Variants in DOCK3 observed in about 807,000 individuals in gnomAD.
The protein encoded by DOCK3 is dedicator of cytokinesis protein 3.
A neutral mutation model predicts 265.6 loss-of-function variants in DOCK3; 60 were observed. The ratio of observed to expected loss-of-function variants is 0.23; its 90% CI spans 0.18 to 0.28. The LOEUF (loss-of-function observed/expected upper bound fraction) is 0.28, where lower values mean the gene tolerates loss of function less well. Ranked by LOEUF, DOCK3 falls within the 10% of genes least tolerant of loss-of-function variation. The pLI is 1.00. For synonymous variants in DOCK3, 881 were observed against 938.0 expected (o/e 0.94, Z 1.11); for missense variants, 1,981 against 2,594.3 (o/e 0.76, Z 5.14).
intron 1 of DOCK3, among the ~76,000 whole-genome samples, chr3:50,739,163 C>T (rs748172283): frequency 8.5e-5 from 13 of 152,110 alleles, no homozygotes; most frequent in East Asian, 1.9e-4. Context: ...GTTTTTGCAA[C>T]GTCTTGTTGT....
chr3:50,823,642 G>T (rs557390374), intron 2 of DOCK3, among the ~76,000 whole-genome samples: 1 of 152,072 alleles, frequency 6.6e-6, no homozygotes, highest in Non-Finnish European at 1.5e-5. Flanking sequence ...CCACAAAACC[G>T]CCATTGTCAT....
chr3:50,814,282 A>G (rs1476492072), intron 2 of DOCK3, among the ~76,000 whole-genome samples: 1 of 152,110 alleles, frequency 6.6e-6, no homozygotes, highest in Non-Finnish European at 1.5e-5. Flanking sequence ...TATTATTATT[A>G]TTAGGACAGG....
In DOCK3 at chr3:50,797,243, G is replaced by A. The variant is rs148732098; in HGVS notation, c.121+18485G>A. ...GGTGACTGTGCAAATGGTTGTGCTGGTGGTGGTGTGAGGATGGAGGTGGGG... is the reference window on the plus strand; with the variant it reads ...GGTGACTGTGCAAATGGTTGTGCTGATGGTGGTGTGAGGATGGAGGTGGGG... On this transcript the variant is annotated intron_variant, in intron 2 of 52. Coordinates refer to ENST00000266037, the MANE Select transcript of DOCK3 (RefSeq NM_004947.5). Among the ~76,000 whole-genome samples the A allele has an allele frequency of 9.6e-4, 146 of 152,358 alleles. No homozygotes were observed. The East Asian group carries it at 0.021, about 22-fold the overall frequency.
At chr3:51,018,027 G>T (rs1305435682) in intron 5 of DOCK3, among the ~76,000 whole-genome samples, 1 of 151,372 alleles carries the variant, frequency 6.6e-6, no homozygotes. Flanking sequence ...CGAGTACCTG[G>T]ATTACAGGTG....
At chr3:51,249,006 G>T (rs1171303565) in intron 22 of DOCK3, among the ~76,000 whole-genome samples, 2 of 146,612 alleles carry the variant, frequency 1.4e-5, no homozygotes, top group East Asian at 2.2e-4. Context: ...CAGCCGCCCC[G>T]TCTGAGAAGT....
chr3:50,697,290 G>T (rs959681758), intron 1 of DOCK3, among the ~76,000 whole-genome samples: 2 of 151,954 alleles, frequency 1.3e-5, no homozygotes, highest in African/African-American at 4.8e-5. Flanking sequence ...GAAATGAAGA[G>T]TTTAAAGGAA....
chr3:51,336,350 T>G (rs1159682772), intron 35 of DOCK3, among the ~76,000 whole-genome samples: 1 of 152,032 alleles, frequency 6.6e-6, no homozygotes, highest in African/African-American at 2.4e-5. Flanking sequence ...GTTTTTTTTT[T>G]TGTGCCTGGA....
chr3:50,928,900 G>A (rs751550069), intron 4 of DOCK3, among the ~76,000 whole-genome samples: 1 of 151,900 alleles, frequency 6.6e-6, no homozygotes, highest in Non-Finnish European at 1.5e-5. Flanking sequence ...TCAGTACAGT[G>A]TTCAACAAGT....
At chr3:50,696,904 G>C (rs1163122165) in intron 1 of DOCK3, among the ~76,000 whole-genome samples, 1 of 150,366 alleles carries the variant, frequency 6.7e-6, no homozygotes, top group Non-Finnish European at 1.5e-5. Context: ...TAAAGCTCCT[G>C]ATTTTCTGAC....
At chr3:51,317,459 A>G (rs1384698709) in intron 32 of DOCK3, among the ~76,000 whole-genome samples, 1 of 151,274 alleles carries the variant, frequency 6.6e-6, no homozygotes, top group East Asian at 1.9e-4. Context: ...ACGTGCCTGT[A>G]GTCCCAGATA....
intron 1 of DOCK3, among the ~76,000 whole-genome samples, chr3:50,688,854 C>T (rs1302864061): frequency 6.6e-6 from 1 of 152,158 alleles, no homozygotes; most frequent in Non-Finnish European, 1.5e-5. Flanking sequence ...GTCTTCCCCC[C>T]TTTTCAAAGA....
At chr3:50,708,957 A>G (rs754726450) in intron 1 of DOCK3, among the ~76,000 whole-genome samples, 1 of 152,218 alleles carries the variant, frequency 6.6e-6, no homozygotes, top group Non-Finnish European at 1.5e-5. Context: ...TTGGTCAGCC[A>G]TCTTGAAGCC....
chr3:50,726,648 T>G (rs908149095), intron 1 of DOCK3, among the ~76,000 whole-genome samples: 5 of 152,200 alleles, frequency 3.3e-5, no homozygotes, highest in Non-Finnish European at 5.9e-5. Flanking sequence ...TAAGGAAATT[T>G]GTCAAATTGC....
intron 5 of DOCK3, among the ~76,000 whole-genome samples, chr3:50,940,851 T>A (rs1008955279): frequency 6.6e-6 from 1 of 152,058 alleles, no homozygotes; most frequent in Non-Finnish European, 1.5e-5. Context: ...CAGCAAATGG[T>A]GTTGGAATAG....
At chr3:50,752,386 G>A (rs1194317700) in intron 1 of DOCK3, among the ~76,000 whole-genome samples, 1 of 152,092 alleles carries the variant, frequency 6.6e-6, no homozygotes, top group Non-Finnish European at 1.5e-5. Flanking sequence ...GTGTGCACCT[G>A]TAGTCCCAGC....
chr3:51,278,615 C>CAT lies in DOCK3; in HGVS notation c.2823+878_2823+879dup, dbSNP rs58166776. The CAT allele has an allele frequency of 1.4e-3, 806 of 568,412 alleles. 1 individual carries two copies. The highest frequency in any genetic ancestry group is 3.4e-3 in the African/African-American group (165 of 48,710). The allele number at this position is 568,412 out of a possible 1,614,324, so 35.2% of individuals were successfully genotyped here. On this transcript the variant is annotated intron_variant, in intron 26 of 52. Transcript: ENST00000266037. ...AGGCACTCTCACTGTAAGTAAAAAA[C>CAT]ATATATATATATATATATGTACCCT... is the stretch of plus-strand genomic sequence containing the variant.
intron 1 of DOCK3, among the ~76,000 whole-genome samples, chr3:50,683,676 T>TA (rs1197632874): frequency 6.6e-6 from 1 of 152,200 alleles, no homozygotes; most frequent in African/African-American, 2.4e-5. Flanking sequence ...TGTATGGACT[T>TA]ACTAAAGCAT....
intron 5 of DOCK3, among the ~76,000 whole-genome samples, chr3:51,044,711 A>G (rs1235137265): frequency 6.6e-6 from 1 of 152,002 alleles, no homozygotes; most frequent in African/African-American, 2.4e-5. Flanking sequence ...TCTTAGCTAG[A>G]TCTTCTGAAT....
chr3:51,314,163 G>A (rs1472616401), intron 31 of DOCK3, among the ~76,000 whole-genome samples: 1 of 152,130 alleles, frequency 6.6e-6, no homozygotes. Context: ...TTTTACCATT[G>A]CAAGGAAGAG....
Sources: allele counts gnomAD v4.1 joint callset (sites outside exome capture counted in the v4.1 genomes callset), GRCh38; gene constraint gnomAD v4.1.1; transcripts MANE v1.5; gene names NCBI Gene and HGNC (gene_info 2026-07-23, HGNC 2026-07-21).